MVB12B: variants seen among roughly 807,000 people sequenced by gnomAD.
MVB12B encodes the protein ESCRT-I complex subunit MVB12B.
MVB12B carries 16 observed loss-of-function variants against 41.6 expected under a neutral mutation model. The ratio of observed to expected loss-of-function variants is 0.38; its 90% CI spans 0.26 to 0.58. The LOEUF is 0.58. MVB12B is among the 20% of genes least tolerant of loss of function. The probability of loss-of-function intolerance (pLI) is 0.62; values close to 1 mark genes in which losing one functional copy is unlikely to be tolerated. For synonymous variants in MVB12B, 133 were observed against 139.7 expected, an observed-to-expected ratio of 0.95 and a Z score of 0.34; for missense variants, 274 against 380.2, an observed-to-expected ratio of 0.72 and a Z score of 2.32.
chr9:126,356,037 T>C (rs1217173445), intron 2 of MVB12B, among the ~76,000 whole-genome samples: 1 of 152,236 alleles, frequency 6.6e-6, no homozygotes. Flanking sequence ...TGGAATCATA[T>C]AAGATGTGAC....
chr9:126,346,447 G>C (rs479398), intron 2 of MVB12B, among the ~76,000 whole-genome samples: 29,032 of 152,124 alleles, frequency 0.19, 2,871 homozygotes, highest in South Asian at 0.23. Flanking sequence ...AGATGCTGGG[G>C]TTCTCTGCTG....
chr9:126,482,232 A>C (rs1456728263), intron 8 of MVB12B, among the ~76,000 whole-genome samples: 2 of 151,622 alleles, frequency 1.3e-5, no homozygotes, highest in African/African-American at 4.8e-5. Flanking sequence ...CTGGCTCAGC[A>C]AACCCGTTTC....
At position 126,444,288 on chromosome 9, in the gene MVB12B, C is replaced by T. The variant is rs894621701; in HGVS notation, c.757+22340C>T. ...TTTGACATATAATGACAAATTGTCC[C>T]CCGTAATGGTTGAATTTGTTTACAC... On this transcript the variant is annotated intron_variant, in intron 7 of 9. Coordinates refer to ENST00000361171, the MANE Select transcript of MVB12B (RefSeq NM_033446.3). Among the ~76,000 whole-genome samples the T allele has an allele frequency of 5.3e-5, 8 of 152,146 alleles. No homozygotes were observed. In the East Asian group the frequency reaches 7.7e-4, roughly 15 times the overall value.
chr9:126,400,620 G>A (rs1313699619), intron 6 of MVB12B, among the ~76,000 whole-genome samples: 3 of 152,208 alleles, frequency 2.0e-5, no homozygotes, highest in East Asian at 3.9e-4. Context: ...GGCAGGGAGG[G>A]CACAGAGCAG....
chr9:126,465,313 C>G (rs182684516), intron 7 of MVB12B, among the ~76,000 whole-genome samples: 22 of 152,322 alleles, frequency 1.4e-4, no homozygotes, highest in Admixed American at 1.2e-3. Context: ...CCTAGTTGCA[C>G]ATTAGAATCA....
intron 7 of MVB12B, among the ~76,000 whole-genome samples, chr9:126,461,241 G>A (rs1053973047): frequency 1.3e-5 from 2 of 152,248 alleles, no homozygotes; most frequent in Non-Finnish European, 2.9e-5. Flanking sequence ...CCCCACAACC[G>A]CCGAAGGCTG....
chr9:126,467,416 G>A (rs1476681688), intron 7 of MVB12B, among the ~76,000 whole-genome samples: 2 of 152,298 alleles, frequency 1.3e-5, no homozygotes, highest in East Asian at 1.9e-4. Context: ...ATCACCTGGC[G>A]AAGGTGCTGT....
chr9:126,483,719 A>G (rs1279805788), intron 8 of MVB12B, among the ~76,000 whole-genome samples: 3 of 152,172 alleles, frequency 2.0e-5, no homozygotes, highest in Non-Finnish European at 4.4e-5. Flanking sequence ...GCCACAGACC[A>G]CAACTAGGCA....
Position 126,421,931 on chromosome 9 carries a change from A to G in MVB12B, c.740A>G (p.Asn247Ser). ...ACGGACTACGAGTACCAGCACTCCAATTTGTATGCCATATCAGGTATGTGG... is the reference window on the plus strand; with the variant it reads ...ACGGACTACGAGTACCAGCACTCCAGTTTGTATGCCATATCAGGTATGTGG... ...TRTDYEYQHS[N>S]LYAISAMDGV... Residue 247 changes from asparagine (N) to serine (S), a missense_variant, in exon 7 of 10, where the codon AAT becomes AGT. By Grantham distance (46) the Asn-to-Ser change is conservative (BLOSUM62 1). Coordinates refer to ENST00000361171, the MANE Select transcript of MVB12B (RefSeq NM_033446.3). The G allele has an allele frequency of 6.2e-7, 1 of 1,613,378 alleles. No homozygotes were observed. The highest frequency in any genetic ancestry group is 8.5e-7 in the Non-Finnish European group (1 of 1,179,610).
chr9:126,398,885 C>G (rs1831192015), intron 6 of MVB12B, among the ~76,000 whole-genome samples: 1 of 151,782 alleles, frequency 6.6e-6, no homozygotes, highest in Non-Finnish European at 1.5e-5. Context: ...AAAGAATTTC[C>G]TGCCATTTTT....
intron 7 of MVB12B, among the ~76,000 whole-genome samples, chr9:126,476,862 GCGAGACT>G (rs1833431454): frequency 7.6e-6 from 1 of 132,044 alleles, no homozygotes; most frequent in African/African-American, 2.9e-5. Context: ...GGGAGACAGA[GCGAGACT>G]CCATCTCAAA....
chr9:126,448,469 C>T (rs1003619596), intron 7 of MVB12B: 13 of 152,216 alleles, frequency 8.5e-5, no homozygotes, highest in African/African-American at 3.1e-4. Context: ...TTAAAAATTA[C>T]TTCAAGAGCC....
chr9:126,393,992 T>C (rs1831032926), intron 5 of MVB12B, among the ~76,000 whole-genome samples: 1 of 152,260 alleles, frequency 6.6e-6, no homozygotes, highest in Non-Finnish European at 1.5e-5. Context: ...GCTTGAAGCA[T>C]GCAGGGAGCA....
intron 6 of MVB12B, among the ~76,000 whole-genome samples, chr9:126,411,452 G>A (rs988545163): frequency 4.6e-5 from 7 of 152,148 alleles, no homozygotes; most frequent in Admixed American, 3.3e-4. Flanking sequence ...TAATTATAGC[G>A]GCCTTGTGTG....
At chr9:126,402,321 A>G (rs918802293) in intron 6 of MVB12B, among the ~76,000 whole-genome samples, 1 of 151,974 alleles carries the variant, frequency 6.6e-6, no homozygotes, top group East Asian at 1.9e-4. Context: ...GCAATGGAGC[A>G]CTCTGTCCTG....
chr9:126,489,095 G>T (rs1208896758), intron 9 of MVB12B, among the ~76,000 whole-genome samples: 3 of 152,202 alleles, frequency 2.0e-5, no homozygotes, highest in African/African-American at 7.2e-5. Context: ...ATCCTGAGGA[G>T]CCCCAGGGAG....
chr9:126,381,397 C>T (rs1329977705), intron 3 of MVB12B, among the ~76,000 whole-genome samples: 1 of 152,160 alleles, frequency 6.6e-6, no homozygotes, highest in East Asian at 1.9e-4. Context: ...AAATTGTGTT[C>T]TCAAAAGGAA....
intron 6 of MVB12B, among the ~76,000 whole-genome samples, chr9:126,399,082 G>A (rs889693726): frequency 2.0e-5 from 3 of 152,276 alleles, no homozygotes; most frequent in Non-Finnish European, 2.9e-5. Flanking sequence ...TGGTGTCACC[G>A]GCTTTGGAGT....
chr9:126,488,296 A>G (rs1028751772), intron 9 of MVB12B, among the ~76,000 whole-genome samples: 30 of 31,736 alleles, frequency 9.5e-4, no homozygotes, highest in Admixed American at 2.1e-3. Flanking sequence ...GTCTCTGCTC[A>G]GAATTTGCTT....
Sources: gnomAD v4.1 joint callset for allele counts (sites outside exome capture counted in the v4.1 genomes callset) on GRCh38, gnomAD v4.1.1 for gene constraint, MANE v1.5 for transcripts, NCBI Gene and HGNC (gene_info 2026-07-23, HGNC 2026-07-21) for gene names.